The following RNF166 variants were observed in gnomAD, a reference collection of about 807,000 sequenced individuals.
RNF166 encodes E3 ubiquitin-protein ligase RNF166.
Under a neutral mutation model 29.4 loss-of-function variants are expected in RNF166, and 19 were observed. The observed-to-expected ratio is 0.65, with a 90% CI of 0.45 to 0.95. The LOEUF (loss-of-function observed/expected upper bound fraction) is 0.95, where lower values mean the gene tolerates loss of function less well. RNF166 is among the 40% of genes least tolerant of loss of function. RNF166 has a pLI of 0.00. For missense variants in RNF166, 347 were observed against 322.1 expected (o/e 1.08, Z -0.59); for synonymous variants, 171 against 134.5 (o/e 1.27, Z -1.88).
chr16:88,701,229 C>T, intron 2 of RNF166, 33 bp downstream of exon 2: 5 of 1,612,950 alleles, frequency 3.1e-6, no homozygotes, highest in Non-Finnish European at 4.2e-6. Flanking sequence ...ATCAAGTGAC[C>T]CCGGCTCCAG....
rs903418842 is a variant in RNF166 at position 88,697,426 on chromosome 16, G to C, written c.*142C>G. 19 of 616,636 alleles carry C rather than the reference G, an allele frequency of 3.1e-5. No homozygotes were observed. In the Admixed American group the frequency reaches 5.5e-4, roughly 18 times the overall value. 38.2% of individuals were successfully genotyped at this position (616,636 alleles called of 1,614,324 possible). ...GGCCCGTATTCAGGCCCGGAGGCTCGGCCCCGGCTCCCCTTCTGCGCGGGT... is the reference window on the plus strand; with the variant it reads ...GGCCCGTATTCAGGCCCGGAGGCTCCGCCCCGGCTCCCCTTCTGCGCGGGT... On this transcript the variant is annotated 3_prime_UTR_variant, in exon 6 of 6. Coordinates refer to ENST00000312838, the MANE Select transcript of RNF166 (RefSeq NM_178841.4).
intron 1 of RNF166, chr16:88,704,617 C>A: frequency 2.1e-6 from 2 of 945,450 alleles, no homozygotes; most frequent in Non-Finnish European, 2.5e-6. Flanking sequence ...TAAAACAAGG[C>A]CTAAGTCAAG....
Position 88,698,520 on chromosome 16 carries a change from G to C in RNF166, c.630C>G (p.Phe210Leu). The C allele has an allele frequency of 6.4e-7, 1 of 1,571,604 alleles. No individual in the cohort carries two copies. Among genetic ancestry groups the C allele is most frequent in the Non-Finnish European group, 8.6e-7 (1 of 1,158,100 alleles). ...FLQHLLHRHKFSYDTFVDYSI... is the reference protein window; with the variant it reads ...FLQHLLHRHKLSYDTFVDYSI... ...TGCCTACCACAAAGGTGTCGTAGGAGAACTTGTGTCGGTGAAGCAGGTGCT... is the reference window on the plus strand; with the variant it reads ...TGCCTACCACAAAGGTGTCGTAGGACAACTTGTGTCGGTGAAGCAGGTGCT... The change falls in exon 5 of 6, where the codon TTC (phenylalanine) becomes TTG (leucine). Residue 210 changes from phenylalanine (F) to leucine (L), a missense_variant. Physicochemically the swap from Phe to Leu is conservative, Grantham distance 22 (BLOSUM62 0). Transcript: ENST00000312838.
chr16:88,700,819 C>G, intron 2 of RNF166: 1 of 1,050,746 alleles, frequency 9.5e-7, no homozygotes, highest in African/African-American at 1.7e-5. Context: ...GCCCATCAGC[C>G]CGGCTCTGGC....
At position 88,701,034 on chromosome 16, in the gene RNF166, T is replaced by G. The variant is rs1910162393; in HGVS notation, c.312+228A>C. 3.6e-6 allele frequency: 5 copies of G among 1,379,246 alleles called. No homozygotes were observed. In the South Asian group the frequency reaches 6.0e-5, roughly 17 times the overall value. The allele number at this position is 1,379,246 out of a possible 1,614,324, so 85.4% of individuals were successfully genotyped here. A position where few individuals can be genotyped will look rare whatever the true frequency, so the allele number is the denominator to read the frequency against. On this transcript the variant is annotated intron_variant, in intron 2 of 5. Coordinates refer to ENST00000312838, the MANE Select transcript of RNF166 (RefSeq NM_178841.4). ...GGCCCGGGCTAGGCGGCTCTGACAG[T>G]GCTACCCCCACCGGGCTGGCCCCCC... is the stretch of plus-strand genomic sequence containing the variant.
chr16:88,704,565 A>C lies in RNF166; in HGVS notation c.155+1606T>G. ...AAGTGGAGATGCTGTGGCCGACCACACGGTGAAGGTGTTGGCACCCAAAGC... is the reference window on the plus strand; with the variant it reads ...AAGTGGAGATGCTGTGGCCGACCACCCGGTGAAGGTGTTGGCACCCAAAGC... On this transcript the variant is annotated intron_variant, in intron 1 of 5. Transcript: ENST00000312838. The C allele has an allele frequency of 3.0e-6, 3 of 985,468 alleles. No individual in the cohort carries two copies. The South Asian group carries it at 1.4e-4, about 46-fold the overall frequency. 61.0% of individuals were successfully genotyped at this position (985,468 alleles called of 1,614,324 possible).
At chr16:88,703,310 C>T in intron 1 of RNF166, 1 of 985,402 alleles carries the variant, frequency 1.0e-6, no homozygotes, top group Non-Finnish European at 1.2e-6. Context: ...CCTGAGTGAA[C>T]CCTGAGCTGC....
At chr16:88,698,058 C>T (rs1053197047) in intron 5 of RNF166, 57 of 549,188 alleles carry the variant, frequency 1.0e-4, no homozygotes, top group Middle Eastern at 9.6e-4. Flanking sequence ...AGGGAGGGGC[C>T]GCACCAGGAG....
intron 5 of RNF166, chr16:88,698,127 C>A: frequency 1.7e-6 from 1 of 590,034 alleles, no homozygotes; most frequent in South Asian, 2.0e-5. Context: ...TGACCCGCGG[C>A]GGGTGGGAAA....
intron 1 of RNF166, 117 bp downstream of exon 1, chr16:88,706,054 C>T (rs1229684982): frequency 1.1e-5 from 7 of 609,082 alleles, no homozygotes; most frequent in Admixed American, 1.2e-4. Context: ...GAGGCCCCGG[C>T]GCCCCGAGTC....
intron 1 of RNF166, chr16:88,704,369 G>C (rs1910557255): frequency 3.0e-6 from 3 of 985,346 alleles, no homozygotes; most frequent in Non-Finnish European, 3.6e-6. Context: ...AGGACCCGCG[G>C]TGAGACTAGG....
At chr16:88,701,132 G>A in intron 2 of RNF166, 130 bp downstream of exon 2, 1 of 1,312,282 alleles carries the variant, frequency 7.6e-7, no homozygotes. Flanking sequence ...GCTTCCTGGT[G>A]CAGGAGCAGA....
rs542892329 is a variant in RNF166 at position 88,698,382 on chromosome 16, C to T, written c.648+120G>A. On this transcript the variant is annotated intron_variant, in intron 5 of 5. Coordinates refer to ENST00000312838, the MANE Select transcript of RNF166 (RefSeq NM_178841.4). ...CCTGGGGGAATGTGGCCACCTGAAACGAGGCTTCTGTTTCTGGCTTCCTCT... is the reference window on the plus strand; with the variant it reads ...CCTGGGGGAATGTGGCCACCTGAAATGAGGCTTCTGTTTCTGGCTTCCTCT... 7.4e-5 allele frequency: 61 copies of T among 826,760 alleles called. No individual in the cohort carries two copies. The African/African-American group carries it at 8.1e-4, about 11-fold the overall frequency. 51.2% of individuals were successfully genotyped at this position (826,760 alleles called of 1,614,324 possible).
intron 1 of RNF166, chr16:88,702,699 G>A (rs1237933152): frequency 6.1e-6 from 6 of 985,264 alleles, no homozygotes; most frequent in East Asian, 1.1e-4. Context: ...GAGAAAGCGG[G>A]ACTCAGCTTG....
chr16:88,706,341 G>A lies in RNF166; in HGVS notation c.-16C>T, dbSNP rs889024444. Reference sequence around the variant, plus strand: ...ACATAGCCATCCCGGGGCCAGGCCCGCGCCGCCCGCCGCCCGCTGTCCTGG... The same window carrying A: ...ACATAGCCATCCCGGGGCCAGGCCCACGCCGCCCGCCGCCCGCTGTCCTGG... On this transcript the variant is annotated 5_prime_UTR_variant, in exon 1 of 6. Transcript: ENST00000312838. The A allele has an allele frequency of 1.9e-5, 23 of 1,209,272 alleles. No homozygotes were observed. Among genetic ancestry groups the A allele is most frequent in the South Asian group, 3.7e-5 (1 of 26,898 alleles). 74.9% of individuals were successfully genotyped at this position (1,209,272 alleles called of 1,614,324 possible).
rs961122402 is a variant in RNF166 at position 88,701,326 on chromosome 16, T to C, written c.248A>G (p.Lys83Arg). The C allele has an allele frequency of 9.9e-6, 16 of 1,613,468 alleles. No individual in the cohort carries two copies. Among genetic ancestry groups the C allele is most frequent in the Non-Finnish European group, 1.4e-5 (16 of 1,179,916 alleles). Residue 83 changes from lysine to arginine, a missense_variant, in exon 2 of 6, where the codon AAG becomes AGG. Transcript: ENST00000312838. ...RLPFDPKKVD[K>R]ATHVEKQLSS... is the part of the protein sequence containing the mutation. ...GAGCTGCTTCTCCACGTGGGTGGCCTTGTCCACCTTCTTGGGGTCGAAGGG... is the reference window on the plus strand; with the variant it reads ...GAGCTGCTTCTCCACGTGGGTGGCCCTGTCCACCTTCTTGGGGTCGAAGGG...
chr16:88,697,962 G>T lies in RNF166; in HGVS notation c.649-329C>A. The stretch of plus-strand genomic sequence containing the variant: ...TAACAATTTCCATCCTGAGGCAGGC[G>T]GAGCGTGGGTCCCGGACGACTGGCA... On this transcript the variant is annotated intron_variant, in intron 5 of 5. Coordinates refer to ENST00000312838, the MANE Select transcript of RNF166 (RefSeq NM_178841.4). 3 of 472,112 alleles carry T rather than the reference G, an allele frequency of 6.4e-6. No homozygotes were observed. The South Asian group carries it at 7.7e-5, about 12-fold the overall frequency. The allele number at this position is 472,112 out of a possible 1,614,324, so 29.2% of individuals were successfully genotyped here.
At chr16:88,703,000 G>A (rs1213767097) in intron 1 of RNF166, 4 of 985,270 alleles carry the variant, frequency 4.1e-6, no homozygotes, top group Non-Finnish European at 4.8e-6. Flanking sequence ...TGAAGAGACG[G>A]CGTGGCGTGC....
chr16:88,706,380 G>C lies in RNF166; in HGVS notation c.-55C>G. The C allele has an allele frequency of 1.2e-5, 15 of 1,211,514 alleles. No individual in the cohort carries two copies. The highest frequency in any genetic ancestry group is 1.4e-5 in the Non-Finnish European group (14 of 970,140). 75.0% of individuals were successfully genotyped at this position (1,211,514 alleles called of 1,614,324 possible). On this transcript the variant is annotated 5_prime_UTR_variant, in exon 1 of 6. Transcript: ENST00000312838. The stretch of plus-strand genomic sequence containing the variant: ...CCGCTGTCCTGGCCCGGGCCGGCCC[G>C]CTAGTCACAGCCGCTACTGCGCCGC...
Sources: allele counts gnomAD v4.1 joint callset, GRCh38; gene constraint gnomAD v4.1.1; transcripts MANE v1.5; gene names NCBI Gene and HGNC (gene_info 2026-07-23, HGNC 2026-07-21).